TENM4: variants seen among roughly 807,000 people sequenced by gnomAD.
TENM4 encodes teneurin transmembrane protein 4.
In TENM4, 82 loss-of-function variants were observed where a neutral mutation model predicts 243.3. The observed-to-expected ratio is 0.34, with a 90% confidence interval of 0.28 to 0.40. The LOEUF (loss-of-function observed/expected upper bound fraction) is 0.40. TENM4 is among the 10% of genes least tolerant of loss of function. The pLI, the probability that TENM4 is intolerant of heterozygous loss-of-function variation, is 1.00. For missense variants in TENM4, 3,138 were observed against 3,673.3 expected (o/e 0.85, Z 3.77); for synonymous variants, 1,412 against 1,456.3 (o/e 0.97, Z 0.69).
chr11:79,325,963 G>A (rs745828946), intron 1 of TENM4, among the ~76,000 whole-genome samples: 5 of 152,210 alleles, frequency 3.3e-5, no homozygotes, highest in Non-Finnish European at 7.3e-5. Flanking sequence ...ATCACTTTGT[G>A]AACTCATTAA....
intron 8 of TENM4, among the ~76,000 whole-genome samples, chr11:78,890,908 G>T (rs775196282): frequency 1.2e-4 from 18 of 152,306 alleles, no homozygotes; most frequent in African/African-American, 3.8e-4. Context: ...GGTACAAGGT[G>T]CCTCAGGTCA....
At chr11:78,961,551 G>A (rs982433701) in intron 6 of TENM4, among the ~76,000 whole-genome samples, 2 of 152,222 alleles carry the variant, frequency 1.3e-5, no homozygotes, top group African/African-American at 2.4e-5. Flanking sequence ...CTCTGCAGCC[G>A]GCATTTAGCC....
Position 78,720,316 on chromosome 11 carries a change from A to G in TENM4, c.3821+54T>C. ...GAAATTGACATGTGCAGCTTACCATACAGCATGCAACAAGGCAGGGGTGAG... is the reference window on the plus strand; with the variant it reads ...GAAATTGACATGTGCAGCTTACCATGCAGCATGCAACAAGGCAGGGGTGAG... On this transcript the variant is annotated intron_variant, in intron 25 of 33. Transcript: ENST00000278550. 1.9e-6 allele frequency: 3 copies of G among 1,597,180 alleles called. No individual in the cohort carries two copies. The South Asian group carries it at 3.3e-5, about 18-fold the overall frequency.
At chr11:78,932,155 G>C (rs1341663489) in intron 6 of TENM4, among the ~76,000 whole-genome samples, 1 of 152,218 alleles carries the variant, frequency 6.6e-6, no homozygotes, top group Non-Finnish European at 1.5e-5. Flanking sequence ...ATTGCTAGAG[G>C]ACGTTCTCAC....
At chr11:78,696,272 C>T (rs1858959196) in intron 28 of TENM4, among the ~76,000 whole-genome samples, 1 of 152,074 alleles carries the variant, frequency 6.6e-6, no homozygotes, top group Non-Finnish European at 1.5e-5. Flanking sequence ...TAAAATTATC[C>T]ATCTGATCTT....
chr11:78,948,093 A>T (rs964145341), intron 6 of TENM4, among the ~76,000 whole-genome samples: 2 of 152,198 alleles, frequency 1.3e-5, no homozygotes, highest in Non-Finnish European at 2.9e-5. Context: ...GAAAAATCTC[A>T]ACCCTAAGGA....
At position 78,661,504 on chromosome 11, in the gene TENM4, G is replaced by A; in HGVS notation, c.7496C>T (p.Pro2499Leu). Residue 2499 changes from proline to leucine, a missense_variant, in exon 33 of 34, where the codon CCC (proline) becomes CTC (leucine). By Grantham distance (98) the Pro-to-Leu change is moderately conservative. Transcript: ENST00000278550. ...CTGTGTGTGGATGAGCTCGTAGGAG[G>A]GTTCCATGGCATCCATGTCTGGTTT... ...YPKPDMDAMEPSYELIHTQMK... is the reference protein window; with the variant it reads ...YPKPDMDAMELSYELIHTQMK... 2 of 1,612,384 alleles carry A rather than the reference G, an allele frequency of 1.2e-6. No individual in the cohort carries two copies. The highest frequency in any genetic ancestry group is 1.7e-6 in the Non-Finnish European group (2 of 1,179,318).
intron 1 of TENM4, among the ~76,000 whole-genome samples, chr11:79,425,809 T>A (rs963240118): frequency 1.3e-5 from 2 of 152,194 alleles, no homozygotes; most frequent in Admixed American, 1.3e-4. Flanking sequence ...TCTGAACAAG[T>A]GAATTTAATT....
At chr11:79,255,139 A>G (rs1027328837) in intron 2 of TENM4, among the ~76,000 whole-genome samples, 9 of 152,340 alleles carry the variant, frequency 5.9e-5, no homozygotes, top group Non-Finnish European at 1.2e-4. Context: ...ATCTCCCCAC[A>G]GTTAGGGAGG....
chr11:79,156,387 C>A (rs1421287941), intron 3 of TENM4, among the ~76,000 whole-genome samples: 1 of 152,230 alleles, frequency 6.6e-6, no homozygotes, highest in Non-Finnish European at 1.5e-5. Context: ...GTAACGCATA[C>A]CCCACCAGGG....
chr11:78,764,260 A>C (rs1310489259), intron 18 of TENM4, among the ~76,000 whole-genome samples: 1 of 152,248 alleles, frequency 6.6e-6, no homozygotes, highest in Non-Finnish European at 1.5e-5. Context: ...ACTGGGGCTC[A>C]GGTTATGTAA....
intron 6 of TENM4, among the ~76,000 whole-genome samples, chr11:78,929,393 G>T (rs914571003): frequency 2.0e-5 from 3 of 152,144 alleles, no homozygotes; most frequent in Non-Finnish European, 4.4e-5. Context: ...GTGGGAGGGG[G>T]AAAGTTTAAT....
In TENM4 at chr11:78,702,012, G is replaced by C. The variant is rs1409378899; in HGVS notation, c.4601C>G (p.Ala1534Gly). Reference protein sequence around the residue: ...FSGDDGYAKDAKLNTPSSLAV... With the variant: ...FSGDDGYAKDGKLNTPSSLAV... ...CAAGGAAGATGGGGTATTTAACTTTGCATCCTTGGCATAACCATCGTCTCC... is the reference window on the plus strand; with the variant it reads ...CAAGGAAGATGGGGTATTTAACTTTCCATCCTTGGCATAACCATCGTCTCC... The change falls in exon 28 of 34, where the codon GCA (alanine) becomes GGA (glycine). Residue 1534 changes from alanine to glycine, a missense_variant. Ala to Gly is a moderately conservative substitution (Grantham distance 60). Around this residue, in one of 2 missense-constraint regions of TENM4, gnomAD observed 2,467 missense variants for 3,059.1 expected, o/e 0.81. Coordinates refer to ENST00000278550, the MANE Select transcript of TENM4 (RefSeq NM_001098816.3). 1.2e-6 allele frequency: 2 copies of C among 1,613,936 alleles called. No individual in the cohort carries two copies. The highest frequency in any genetic ancestry group is 1.7e-6 in the Non-Finnish European group (2 of 1,179,846).
intron 12 of TENM4, among the ~76,000 whole-genome samples, chr11:78,847,531 T>C: frequency 6.6e-6 from 1 of 152,238 alleles, no homozygotes; most frequent in East Asian, 1.9e-4. Flanking sequence ...TCCAATGTGC[T>C]GACCTGAGCT....
At chr11:78,803,643 C>T (rs377122916) in intron 15 of TENM4, among the ~76,000 whole-genome samples, 6 of 152,182 alleles carry the variant, frequency 3.9e-5, no homozygotes, top group East Asian at 3.9e-4. Flanking sequence ...TCTAATAGTT[C>T]GGTTGTTTCC....
chr11:79,113,909 G>C (rs1484226175), intron 4 of TENM4, among the ~76,000 whole-genome samples: 13 of 152,170 alleles, frequency 8.5e-5, no homozygotes, highest in Non-Finnish European at 1.0e-4. Flanking sequence ...CACAACTCCT[G>C]AAAGACATGA....
intron 1 of TENM4, among the ~76,000 whole-genome samples, chr11:79,424,455 A>G (rs1364339532): frequency 6.6e-6 from 1 of 152,122 alleles, no homozygotes; most frequent in Non-Finnish European, 1.5e-5. Context: ...AAACAAAACA[A>G]AAATTAGCCA....
intron 3 of TENM4, among the ~76,000 whole-genome samples, chr11:79,163,798 C>CATATAT (rs59230413): frequency 0.25 from 36,315 of 144,648 alleles, 4,746 homozygotes; most frequent in African/African-American, 0.32. Flanking sequence ...TATACACACA[C>CATATAT]ATATATATAC....
chr11:79,198,545 T>C (rs533605763), intron 3 of TENM4, among the ~76,000 whole-genome samples: 61 of 152,320 alleles, frequency 4.0e-4, no homozygotes, highest in Middle Eastern at 6.8e-3. Flanking sequence ...GAGAAGAAGT[T>C]ATGTGAAGAA....
Sources: gnomAD v4.1 joint callset for allele counts (sites outside exome capture counted in the v4.1 genomes callset) on GRCh38, gnomAD v4.1.1 for gene constraint, gnomAD v4.1.1 regional missense constraint, MANE v1.5 for transcripts, NCBI Gene and HGNC (gene_info 2026-07-23, HGNC 2026-07-21) for gene names.